GRAMD1B: variants seen among roughly 807,000 people sequenced by gnomAD.
GRAMD1B encodes GRAM domain containing 1B, also known as protein Aster-B.
GRAMD1B carries 37 observed loss-of-function variants against 99.7 expected under a neutral mutation model. That is an observed-to-expected ratio of 0.37 (90% CI 0.29 to 0.49). The LOEUF (loss-of-function observed/expected upper bound fraction) is 0.49, where lower values mean the gene tolerates loss of function less well. GRAMD1B is among the 20% of genes least tolerant of loss of function. The probability of loss-of-function intolerance (pLI) is 0.98; values close to 1 mark genes in which losing one functional copy is unlikely to be tolerated. For missense variants in GRAMD1B, 888 were observed against 1,009.2 expected, an observed-to-expected ratio of 0.88 and a Z score of 1.63; for synonymous variants, 427 against 387.6, an observed-to-expected ratio of 1.10 and a Z score of -1.19.
At chr11:123,547,545 A>G (rs1004918534) in intron 2 of GRAMD1B, among the ~76,000 whole-genome samples, 3 of 152,166 alleles carry the variant, frequency 2.0e-5, no homozygotes, top group Non-Finnish European at 4.4e-5. Context: ...TTCAAACCCA[A>G]TTATGCCATC....
intron 2 of GRAMD1B, among the ~76,000 whole-genome samples, chr11:123,539,596 T>A (rs1366599998): frequency 6.6e-6 from 1 of 152,138 alleles, no homozygotes; most frequent in African/African-American, 2.4e-5. Flanking sequence ...AGAGAGACCC[T>A]GTCTCAAACA....
At chr11:123,531,545 T>A (rs1943371096) in intron 2 of GRAMD1B, among the ~76,000 whole-genome samples, 1 of 152,148 alleles carries the variant, frequency 6.6e-6, no homozygotes, top group Non-Finnish European at 1.5e-5. Context: ...AGCCCTTCCC[T>A]CCCGGCCTTC....
At chr11:123,612,885 T>A in intron 15 of GRAMD1B, 21 bp downstream of exon 15, 1 of 1,379,532 alleles carries the variant, frequency 7.2e-7, no homozygotes, top group South Asian at 1.2e-5. Context: ...CAATCCTTGC[T>A]GCTAGCTGGG....
In GRAMD1B at chr11:123,480,908, C is replaced by T. The variant is rs75884489; in HGVS notation, c.452+15C>T. On this transcript the variant is annotated intron_variant, in intron 2 of 19. Coordinates refer to ENST00000635736, the MANE Select transcript of GRAMD1B (RefSeq NM_001387025.1). ...CGGGAAGAAAGGTAAGGTCCAACTC[C>T]GAGGGCGAGATGGGGGCAAAGAATA... The T allele has an allele frequency of 0.071, 28,071 of 393,724 alleles. 1,170 individuals are homozygous for T. Among genetic ancestry groups the T allele is most frequent in the Non-Finnish European group, 0.089 (19,972 of 224,910 alleles). 24.4% of individuals were successfully genotyped at this position (393,724 alleles called of 1,614,324 possible).
chr11:123,532,017 G>A (rs1165029765), intron 2 of GRAMD1B, among the ~76,000 whole-genome samples: 6 of 152,104 alleles, frequency 3.9e-5, no homozygotes, highest in African/African-American at 7.2e-5. Context: ...GATTACAGGC[G>A]TGAGCCACCA....
chr11:123,610,355 T>A lies in GRAMD1B; in HGVS notation c.1919+17T>A, dbSNP rs1321651417. 1.9e-6 allele frequency: 3 copies of A among 1,613,164 alleles called. No individual in the cohort carries two copies. The Admixed American group carries it at 5.0e-5, about 27-fold the overall frequency. ...CCGACTCAGGTGTGGTGTGTGGAAG[T>A]CCCAGTGCGGTCAGACGGGGGTCCT... is the stretch of plus-strand genomic sequence containing the variant. On this transcript the variant is annotated intron_variant, in intron 14 of 19. Transcript: ENST00000635736. This position sits in a 1 kb window ranked among gnomAD's most constrained non-coding sequence, Gnocchi z 4.1.
At chr11:123,534,376 G>T (rs992860241) in intron 2 of GRAMD1B, among the ~76,000 whole-genome samples, 2 of 152,330 alleles carry the variant, frequency 1.3e-5, no homozygotes, top group African/African-American at 4.8e-5. Flanking sequence ...CGACAGAGGT[G>T]AAAGAAGATT....
chr11:123,529,711 T>G (rs1204508985), intron 2 of GRAMD1B, among the ~76,000 whole-genome samples: 1 of 152,170 alleles, frequency 6.6e-6, no homozygotes, highest in East Asian at 1.9e-4. Flanking sequence ...ACATGGTTAT[T>G]TTTTTTCTTT....
intron 8 of GRAMD1B, among the ~76,000 whole-genome samples, chr11:123,601,477 G>GAC (rs150272014): frequency 6.6e-6 from 1 of 151,388 alleles, no homozygotes; most frequent in East Asian, 1.9e-4. Flanking sequence ...AAAACGCACC[G>GAC]ACACACACAC....
intron 2 of GRAMD1B, among the ~76,000 whole-genome samples, chr11:123,550,563 G>T (rs1275586853): frequency 1.3e-5 from 2 of 152,202 alleles, no homozygotes; most frequent in Non-Finnish European, 2.9e-5. Flanking sequence ...AGGAAGAGTG[G>T]GGTGGAGGAA....
At position 123,577,538 on chromosome 11, in the gene GRAMD1B, C is replaced by T; in HGVS notation, c.624C>T (p.Cys208=). ...CGGAGCAGGGCGTGCAGCGCAGCTG[C>T]TCCTCCCAGTCCGGCCGGAGCGGCG... The part of the protein sequence containing the change: ...STPEQGVQRS[C]SSQSGRSGGK... The change falls in exon 3 of 20, where the codon TGC becomes TGT. Residue 208 remains cysteine, a synonymous_variant. Transcript: ENST00000635736. 1 of 1,597,696 alleles carries T rather than the reference C, an allele frequency of 6.3e-7. No homozygotes were observed. Among genetic ancestry groups the T allele is most frequent in the Non-Finnish European group, 8.5e-7 (1 of 1,172,638 alleles).
At chr11:123,466,450 GAGAA>G (rs551394884) in intron 1 of GRAMD1B, among the ~76,000 whole-genome samples, 8,680 of 150,438 alleles carry the variant, frequency 0.058, 317 homozygotes, top group African/African-American at 0.078. Context: ...AAGAAAGAAA[GAGAA>G]AGAAAGAAAG....
chr11:123,469,776 T>TTTCCTTCCTTCCTTCCTTCCTTCC (rs369545252), intron 1 of GRAMD1B, among the ~76,000 whole-genome samples: 3 of 130,030 alleles, frequency 2.3e-5, no homozygotes, highest in African/African-American at 6.2e-5. Flanking sequence ...TTTCTCTTTC[T>TTTCCTTCCTTCCTTCCTTCCTTCC]TTCCTTCCTT....
chr11:123,431,862 G>A (rs978298213), intron 1 of GRAMD1B, among the ~76,000 whole-genome samples: 1 of 151,748 alleles, frequency 6.6e-6, no homozygotes, highest in African/African-American at 2.4e-5. Context: ...GTAGAGAATT[G>A]CTGCAGGGCG....
intron 2 of GRAMD1B, among the ~76,000 whole-genome samples, chr11:123,495,114 T>TACAC (rs10695354): frequency 0.11 from 16,351 of 148,548 alleles, 886 homozygotes; most frequent in Middle Eastern, 0.12. Flanking sequence ...TATATATACA[T>TACAC]ACACACACAC....
At chr11:123,455,629 T>TA (rs1466604643) in intron 1 of GRAMD1B, among the ~76,000 whole-genome samples, 4 of 152,228 alleles carry the variant, frequency 2.6e-5, no homozygotes, top group Non-Finnish European at 5.9e-5. Context: ...CTCTGCCACT[T>TA]ACTCTCTGCC....
intron 2 of GRAMD1B, among the ~76,000 whole-genome samples, chr11:123,481,861 G>T (rs540909249): frequency 6.6e-6 from 1 of 152,150 alleles, no homozygotes. Context: ...CTGGCCTACC[G>T]CAGGGGCTCT....
chr11:123,502,546 A>C (rs1470245254), intron 2 of GRAMD1B, among the ~76,000 whole-genome samples: 2 of 152,122 alleles, frequency 1.3e-5, no homozygotes, highest in African/African-American at 4.8e-5. Flanking sequence ...AAGCTGGGGC[A>C]GGTGGATCAC....
rs568667107 is a variant in GRAMD1B at position 123,480,104 on chromosome 11, A to T, written c.375-712A>T. Among the ~76,000 whole-genome samples, 3 of 152,340 alleles carry T rather than the reference A, an allele frequency of 2.0e-5. No homozygotes were observed. The East Asian group carries it at 5.8e-4, about 29-fold the overall frequency. On this transcript the variant is annotated intron_variant, in intron 1 of 19. Coordinates refer to ENST00000635736, the MANE Select transcript of GRAMD1B (RefSeq NM_001387025.1). ...GCTTTTCTTTCTCTGGAGTAAGAGG[A>T]AAGGCCATTCTTTCCCGTATTATTA...
Sources: allele counts gnomAD v4.1 joint callset (sites outside exome capture counted in the v4.1 genomes callset), GRCh38; gene constraint gnomAD v4.1.1; non-coding constraint Gnocchi (gnomAD v3.1); transcripts MANE v1.5; gene names NCBI Gene and HGNC (gene_info 2026-07-23, HGNC 2026-07-21).